Variants in HTR2A observed in about 807,000 individuals in gnomAD.
HTR2A encodes 5-HT2 receptor.
Under a neutral mutation model 31.0 loss-of-function variants are expected in HTR2A, and 14 were observed. That is an observed-to-expected ratio of 0.45 (90% CI 0.30 to 0.71). HTR2A has a LOEUF of 0.71. HTR2A is among the 30% of genes least tolerant of loss of function. The pLI is 0.09. For synonymous variants in HTR2A, 209 were observed against 225.2 expected, an observed-to-expected ratio of 0.93 and a Z score of 0.64; for missense variants, 442 against 573.3, an observed-to-expected ratio of 0.77 and a Z score of 2.34.
intron 3 of HTR2A, among the ~76,000 whole-genome samples, chr13:46,838,199 TAGAC>T (rs1162911925): frequency 6.6e-6 from 1 of 152,234 alleles, no homozygotes; most frequent in Admixed American, 6.5e-5. Flanking sequence ...AAGGTCTTCT[TAGAC>T]AGCACAGTTG....
chr13:46,870,874 AAT>A (rs1043504321), intron 3 of HTR2A, among the ~76,000 whole-genome samples: 1 of 152,132 alleles, frequency 6.6e-6, no homozygotes, highest in South Asian at 2.1e-4. Flanking sequence ...TTCAAGATTC[AAT>A]ATATATATAA....
At chr13:46,872,276 A>G (rs1001963056) in intron 3 of HTR2A, among the ~76,000 whole-genome samples, 1 of 152,210 alleles carries the variant, frequency 6.6e-6, no homozygotes, top group African/African-American at 2.4e-5. Context: ...CAAATAAGAC[A>G]TAGCCCCTGT....
intron 3 of HTR2A, among the ~76,000 whole-genome samples, chr13:46,861,538 A>T (rs1017167905): frequency 6.6e-6 from 1 of 152,184 alleles, no homozygotes; most frequent in Non-Finnish European, 1.5e-5. Flanking sequence ...TGTCTCCCTC[A>T]CCTTCCTGGT....
intron 3 of HTR2A, among the ~76,000 whole-genome samples, chr13:46,870,855 C>T (rs536249466): frequency 6.6e-6 from 1 of 152,190 alleles, no homozygotes; most frequent in Non-Finnish European, 1.5e-5. Context: ...TCTTATTTAA[C>T]TCCAATATTT....
intron 3 of HTR2A, among the ~76,000 whole-genome samples, chr13:46,878,396 G>A (rs1370700480): frequency 6.6e-6 from 1 of 152,178 alleles, no homozygotes; most frequent in Non-Finnish European, 1.5e-5. Flanking sequence ...ACAATGAGTA[G>A]AGCTTTTCAC....
At chr13:46,846,319 C>T (rs1950642656) in intron 3 of HTR2A, among the ~76,000 whole-genome samples, 2 of 152,126 alleles carry the variant, frequency 1.3e-5, no homozygotes, top group Admixed American at 1.3e-4. Flanking sequence ...TGTCTAACAG[C>T]TGGCAATTAT....
intron 3 of HTR2A, among the ~76,000 whole-genome samples, chr13:46,890,344 A>G (rs985170796): frequency 6.6e-6 from 1 of 152,318 alleles, no homozygotes; most frequent in South Asian, 2.1e-4. Context: ...ACTTCATCTC[A>G]AAAAGACTGG....
At position 46,835,013 on chromosome 13, in the gene HTR2A, T is replaced by C. The variant is rs1876392493; in HGVS notation, c.1240A>G (p.Ile414Val). 2 of 1,614,052 alleles carry C rather than the reference T, an allele frequency of 1.2e-6. No homozygotes were observed. The highest frequency in any genetic ancestry group is 1.3e-5 in the African/African-American group (1 of 74,932). ...KPLQLILVNTIPALAYKSSQL... is the reference protein window; with the variant it reads ...KPLQLILVNTVPALAYKSSQL... ...CTAGACTTGTAGGCCAAAGCCGGTATTGTGTTCACTAAAATTAACTGCAAT... is the reference window on the plus strand; with the variant it reads ...CTAGACTTGTAGGCCAAAGCCGGTACTGTGTTCACTAAAATTAACTGCAAT... Residue 414 changes from isoleucine (I) to valine (V), a missense_variant, in exon 4 of 4, where the codon ATA becomes GTA. Coordinates refer to ENST00000542664, the MANE Select transcript of HTR2A (RefSeq NM_000621.5).
At chr13:46,894,172 G>A (rs1463004826) in intron 2 of HTR2A, among the ~76,000 whole-genome samples, 5 of 152,220 alleles carry the variant, frequency 3.3e-5, no homozygotes. Context: ...GCTGGGGGAG[G>A]CTGGAGGAGC....
At chr13:46,868,181 G>T (rs899516235) in intron 3 of HTR2A, among the ~76,000 whole-genome samples, 2 of 152,182 alleles carry the variant, frequency 1.3e-5, no homozygotes, top group Non-Finnish European at 2.9e-5. Flanking sequence ...CAGACTTCAG[G>T]AAGCACATAA....
chr13:46,835,519 A>T lies in HTR2A; in HGVS notation c.734T>A (p.Ile245Asn), dbSNP rs747095073. 1 of 1,613,968 alleles carries T rather than the reference A, an allele frequency of 6.2e-7. No individual in the cohort carries two copies. The highest frequency in any genetic ancestry group is 8.5e-7 in the Non-Finnish European group (1 of 1,179,984). The part of the protein sequence containing the change: ...VLIGSFVSFF[I>N]PLTIMVITYF... ...GGTGATCACCATGATGGTTAAGGGA[A>T]TGAAAAATGACACAAAAGAGCCGAT... is the stretch of plus-strand genomic sequence containing the variant. Residue 245 changes from isoleucine to asparagine, a missense_variant, in exon 4 of 4, where the codon ATT becomes AAT. By Grantham distance (149) the Ile-to-Asn change is moderately radical. Around this residue, in one of 5 missense-constraint regions of HTR2A, gnomAD observed 174 missense variants for 195.1 expected, o/e 0.89. Coordinates refer to ENST00000542664, the MANE Select transcript of HTR2A (RefSeq NM_000621.5).
At chr13:46,892,061 A>T (rs1444859683) in intron 3 of HTR2A, among the ~76,000 whole-genome samples, 1 of 152,248 alleles carries the variant, frequency 6.6e-6, no homozygotes, top group Non-Finnish European at 1.5e-5. Context: ...TGATTATAAA[A>T]GTTGAGGTCT....
At position 46,896,834 on chromosome 13, in the gene HTR2A, G is replaced by GC; in HGVS notation, c.-490dup. ...GTTTTGCTGACTTCAAAAACTGCAT[G>GC]CAAGAGCTGAGCCAGCTCCCGCACT... On this transcript the variant is annotated 5_prime_UTR_variant, in exon 1 of 4. An upstream open reading frame in the 5' UTR gains an earlier in-frame stop. Coordinates refer to ENST00000542664, the MANE Select transcript of HTR2A (RefSeq NM_000621.5). The GC allele has an allele frequency of 6.5e-7, 1 of 1,536,818 alleles. No homozygotes were observed. Among genetic ancestry groups the GC allele is most frequent in the Non-Finnish European group, 8.7e-7 (1 of 1,146,762 alleles).
intron 3 of HTR2A, among the ~76,000 whole-genome samples, chr13:46,837,814 T>A (rs1341593786): frequency 6.6e-6 from 1 of 152,258 alleles, no homozygotes; most frequent in African/African-American, 2.4e-5. Flanking sequence ...CAAATCTTTC[T>A]TAGTGACATT....
intron 3 of HTR2A, among the ~76,000 whole-genome samples, chr13:46,885,534 T>C (rs926559712): frequency 3.9e-5 from 6 of 152,238 alleles, no homozygotes; most frequent in African/African-American, 1.4e-4. Context: ...TATCTAAACA[T>C]AATCCAACCT....
rs118018082 is a variant in HTR2A, at chr13:46,856,986, C to T, written c.614-21347G>A. On this transcript the variant is annotated intron_variant, in intron 3 of 3. Coordinates refer to ENST00000542664, the MANE Select transcript of HTR2A (RefSeq NM_000621.5). ...GGCTGCTAGAACGAACTGCCACAGC[C>T]TAGGTGGCTTGTAAACAATAGAAAT... Among the ~76,000 whole-genome samples the T allele has an allele frequency of 3.4e-4, 52 of 152,168 alleles. No individual in the cohort carries two copies. In the East Asian group the frequency reaches 0.01, roughly 30 times the overall value.
intron 3 of HTR2A, among the ~76,000 whole-genome samples, chr13:46,870,413 A>T (rs971594501): frequency 6.6e-6 from 1 of 152,194 alleles, no homozygotes; most frequent in Admixed American, 6.5e-5. Context: ...GCCCATGTAG[A>T]AAAACAAATT....
chr13:46,836,665 G>A (rs1257054198), intron 3 of HTR2A, among the ~76,000 whole-genome samples: 1 of 152,070 alleles, frequency 6.6e-6, no homozygotes, highest in Non-Finnish European at 1.5e-5. Context: ...AAGATTATCA[G>A]CTCAAGCCCA....
At position 46,834,589 on chromosome 13, in the gene HTR2A, A is replaced by T. The variant is rs1456950151; in HGVS notation, c.*248T>A. ...AATAAAAGTGAATCATTTTAAAGAC[A>T]TATCATTTACAATGTTATAAATAAG... On this transcript the variant is annotated 3_prime_UTR_variant, in exon 4 of 4. Transcript: ENST00000542664. 6.6e-6 allele frequency: 3 copies of T among 457,094 alleles called. No homozygotes were observed. The East Asian group carries it at 1.0e-4, about 16-fold the overall frequency. 28.3% of individuals were successfully genotyped at this position (457,094 alleles called of 1,614,324 possible).
Sources: allele counts gnomAD v4.1 joint callset (sites outside exome capture counted in the v4.1 genomes callset), GRCh38; gene constraint gnomAD v4.1.1; regional missense constraint gnomAD v4.1.1; transcripts MANE v1.5; gene names NCBI Gene and HGNC (gene_info 2026-07-23, HGNC 2026-07-21).